The following SLC25A25 variants were observed in gnomAD, a reference collection of about 807,000 sequenced individuals.
The protein encoded by SLC25A25 is solute carrier family 25 member 25, also known as mitochondrial adenyl nucleotide antiporter SLC25A25.
In SLC25A25, 32 loss-of-function variants were observed where a neutral mutation model predicts 57.7. The ratio of observed to expected loss-of-function variants is 0.55; its 90% CI spans 0.42 to 0.74. The LOEUF (loss-of-function observed/expected upper bound fraction) is 0.74, where lower values mean the gene tolerates loss of function less well. Ranked by LOEUF, SLC25A25 falls within the 30% of genes least tolerant of loss-of-function variation. The pLI, the probability that SLC25A25 is intolerant of heterozygous loss-of-function variation, is 0.00. For synonymous variants in SLC25A25, 306 were observed against 291.2 expected (o/e 1.05, Z -0.52); for missense variants, 556 against 701.3 (o/e 0.79, Z 2.34).
intron 1 of SLC25A25, among the ~76,000 whole-genome samples, chr9:128,080,179 C>T (rs1158129254): frequency 2.7e-5 from 4 of 149,948 alleles, no homozygotes; most frequent in African/African-American, 4.9e-5. Flanking sequence ...TGCAGTGAGC[C>T]GAGATCACGC....
chr9:128,097,578 G>A (rs1025968900), intron 1 of SLC25A25, among the ~76,000 whole-genome samples: 1 of 152,204 alleles, frequency 6.6e-6, no homozygotes, highest in African/African-American at 2.4e-5. Flanking sequence ...ACAGGCGTGT[G>A]CCACCACGCC....
At chr9:128,105,205 C>G (rs944506491) in intron 6 of SLC25A25, among the ~76,000 whole-genome samples, 5 of 115,980 alleles carry the variant, frequency 4.3e-5, no homozygotes, top group Admixed American at 2.4e-4. Context: ...GAGTCTCGCT[C>G]TGTCGCCCAG....
chr9:128,081,576 T>C (rs957747057), intron 1 of SLC25A25, among the ~76,000 whole-genome samples: 1 of 152,120 alleles, frequency 6.6e-6, no homozygotes, highest in African/African-American at 2.4e-5. Flanking sequence ...CCCTGCTCCT[T>C]ACTCTTGGTG....
In SLC25A25 at chr9:128,101,272, T is replaced by G; in HGVS notation, c.389-37T>G. On this transcript the variant is annotated intron_variant, in intron 2 of 10. Transcript: ENST00000373069. This position sits in a 1 kb window ranked among gnomAD's most constrained non-coding sequence, Gnocchi z 4.9. Reference sequence around the variant, plus strand: ...GCCGGTCCAGCCTCGGGCCTCCCCGTGCGCCTGGCTCCTGCTCACGGCCTC... The same window carrying G: ...GCCGGTCCAGCCTCGGGCCTCCCCGGGCGCCTGGCTCCTGCTCACGGCCTC... 1 of 1,614,210 alleles carries G rather than the reference T, an allele frequency of 6.2e-7. No individual in the cohort carries two copies. The highest frequency in any genetic ancestry group is 8.5e-7 in the Non-Finnish European group (1 of 1,180,024).
In SLC25A25 at chr9:128,106,205, T is replaced by C. The variant is rs1302092689; in HGVS notation, c.992T>C (p.Val331Ala). The change falls in exon 8 of 11, where the codon GTG becomes GCG. Residue 331 changes from valine to alanine, a missense_variant. By Grantham distance (64) the Val-to-Ala change is moderately conservative. This residue lies in a region of SLC25A25 where 294 missense variants were observed against 389.6 expected (regional missense o/e 0.75). Transcript: ENST00000373069. ...QETLRIHERL[V>A]AGSLAGAIAQ... Reference sequence around the variant, plus strand: ...ACTCTGAGGATTCACGAGAGGCTTGTGGCAGGGTCCTTGGCAGGGGCCATC... The same window carrying C: ...ACTCTGAGGATTCACGAGAGGCTTGCGGCAGGGTCCTTGGCAGGGGCCATC... 2.5e-6 allele frequency: 4 copies of C among 1,614,196 alleles called. No individual in the cohort carries two copies. The Admixed American group carries it at 5.0e-5, about 20-fold the overall frequency.
rs1247918747 is a variant in SLC25A25, at chr9:128,107,021, CCTT to C, written c.1213-5_1213-3del. ...TAGGGCTTATCCCATGCTCCCTTCT[CCTT>C]CTAGACGCTCAAGAATGCCTGGCTG... is the stretch of plus-strand genomic sequence containing the variant. On this transcript the variant is annotated splice_polypyrimidine_tract_variant and splice_region_variant and intron_variant, in intron 9 of 10. Coordinates refer to ENST00000373069, the MANE Select transcript of SLC25A25 (RefSeq NM_001330988.2). 1.9e-6 allele frequency: 3 copies of C among 1,613,240 alleles called. No individual in the cohort carries two copies. Among genetic ancestry groups the C allele is most frequent in the East Asian group, 2.2e-5 (1 of 44,872 alleles).
chr9:128,101,370 ACAG>A lies in SLC25A25; in HGVS notation c.454_456del (p.Gln152del), dbSNP rs1391322940. On this transcript the variant is annotated inframe_deletion, in exon 3 of 11. Coordinates refer to ENST00000373069, the MANE Select transcript of SLC25A25 (RefSeq NM_001330988.2). This position sits in a 1 kb window ranked among gnomAD's most constrained non-coding sequence, Gnocchi z 4.9. ...GGGACTTGGGAGTCAAGATATCTGA[ACAG>A]CAGGCAGAAAAAATTCTCAAGAGGT... The A allele has an allele frequency of 6.2e-7, 1 of 1,614,262 alleles. No homozygotes were observed. Among genetic ancestry groups the A allele is most frequent in the Non-Finnish European group, 8.5e-7 (1 of 1,180,044 alleles).
chr9:128,077,189 G>A (rs1367722070), intron 1 of SLC25A25, among the ~76,000 whole-genome samples: 1 of 152,170 alleles, frequency 6.6e-6, no homozygotes, highest in African/African-American at 2.4e-5. Context: ...TAACCCATGG[G>A]GTTTATAGTA....
At chr9:128,098,588 G>C in intron 1 of SLC25A25, 26 of 1,614,092 alleles carry the variant, frequency 1.6e-5, no homozygotes, top group Non-Finnish European at 2.2e-5. Flanking sequence ...GTGCCTGTAT[G>C]TGCCGGTCAT....
chr9:128,107,593 A>T lies in SLC25A25; in HGVS notation c.*149A>T, dbSNP rs1834106522. 1.1e-6 allele frequency: 1 copy of T among 935,664 alleles called. No individual in the cohort carries two copies. The highest frequency in any genetic ancestry group is 1.5e-6 in the Non-Finnish European group (1 of 673,220). The allele number at this position is 935,664 out of a possible 1,614,324, so 58.0% of individuals were successfully genotyped here. The stretch of plus-strand genomic sequence containing the variant: ...ACGCACCCGCAGGGAGGGTGGGGAG[A>T]GCTGGCAGGCCCAGGGCTTGTCCTG... On this transcript the variant is annotated 3_prime_UTR_variant, in exon 11 of 11. Coordinates refer to ENST00000373069, the MANE Select transcript of SLC25A25 (RefSeq NM_001330988.2).
intron 1 of SLC25A25, among the ~76,000 whole-genome samples, chr9:128,071,747 C>T (rs557384685): frequency 2.1e-4 from 32 of 151,206 alleles, no homozygotes; most frequent in African/African-American, 7.5e-4. Flanking sequence ...AGAAGCAGTC[C>T]GCTCTGTCGC....
At chr9:128,068,663 G>T in intron 1 of SLC25A25, 83 bp downstream of exon 1, 1 of 1,335,748 alleles carries the variant, frequency 7.5e-7, no homozygotes, top group South Asian at 1.8e-5. Flanking sequence ...GGCCCCTTGG[G>T]CTGGGCGGAA....
intron 1 of SLC25A25, among the ~76,000 whole-genome samples, chr9:128,093,745 T>C (rs7874075): frequency 0.027 from 4,149 of 152,342 alleles, 190 homozygotes; most frequent in African/African-American, 0.095. Flanking sequence ...CCGCATCCTT[T>C]TCCAGAACAG....
chr9:128,073,579 C>G lies in SLC25A25; in HGVS notation c.261+4999C>G, dbSNP rs1206769435. On this transcript the variant is annotated intron_variant, in intron 1 of 10. Transcript: ENST00000373069. ...ACAGTCTACAGAAGAAAGCTCCTTT[C>G]CAAGAGATAGACATTATTCGCTATA... 3.3e-5 allele frequency among the ~76,000 whole-genome samples: 5 copies of G among 152,188 alleles called. No individual in the cohort carries two copies. The East Asian group carries it at 9.6e-4, about 29-fold the overall frequency.
At chr9:128,070,484 A>G (rs1479228662) in intron 1 of SLC25A25, among the ~76,000 whole-genome samples, 1 of 144,086 alleles carries the variant, frequency 6.9e-6, no homozygotes, top group African/African-American at 2.6e-5. Flanking sequence ...CAGGTGATCC[A>G]CCTGCCTCGG....
intron 6 of SLC25A25, 96 bp from the exon 7 acceptor site, chr9:128,105,633 C>T (rs1833993888): frequency 1.3e-6 from 2 of 1,589,038 alleles, no homozygotes; most frequent in African/African-American, 2.7e-5. Context: ...AGGGCCTTCC[C>T]TTTGGCCGCA....
intron 1 of SLC25A25, among the ~76,000 whole-genome samples, chr9:128,075,988 C>T (rs1018667188): frequency 3.3e-5 from 5 of 152,208 alleles, no homozygotes; most frequent in African/African-American, 1.2e-4. Flanking sequence ...AAGCGATCCT[C>T]TTATCTCGGC....
intron 1 of SLC25A25, among the ~76,000 whole-genome samples, chr9:128,071,817 T>C (rs1832915072): frequency 6.6e-6 from 1 of 152,054 alleles, no homozygotes; most frequent in South Asian, 2.1e-4. Context: ...GTTCAAGCAG[T>C]TCTCCTGCCT....
Position 128,098,634 on chromosome 9 carries a change from C to T in SLC25A25, c.262-2462C>T, listed in dbSNP as rs377289085. 15 of 1,614,114 alleles carry T rather than the reference C, an allele frequency of 9.3e-6. No individual in the cohort carries two copies. In the East Asian group the frequency reaches 1.1e-4, roughly 12 times the overall value. ...CAGACCGAGTTCCAGTACTTTGAGT[C>T]GAAGGGGCTCCCTGCCGAGCTGAAG... On this transcript the variant is annotated intron_variant, in intron 1 of 10. Coordinates refer to ENST00000373069, the MANE Select transcript of SLC25A25 (RefSeq NM_001330988.2).
Sources: gnomAD v4.1 joint callset for allele counts (sites outside exome capture counted in the v4.1 genomes callset) on GRCh38, gnomAD v4.1.1 for gene constraint, gnomAD v4.1.1 regional missense constraint, Gnocchi (gnomAD v3.1) non-coding constraint, MANE v1.5 for transcripts, NCBI Gene and HGNC (gene_info 2026-07-23, HGNC 2026-07-21) for gene names.